Variants in KCNK10 observed in about 807,000 individuals in gnomAD.
KCNK10 encodes the protein potassium channel subfamily K member 10.
Under a neutral mutation model 47.7 loss-of-function variants are expected in KCNK10, and 25 were observed. That is an observed-to-expected ratio of 0.52 (90% CI 0.38 to 0.73). The LOEUF (loss-of-function observed/expected upper bound fraction) is 0.73, where lower values mean the gene tolerates loss of function less well. Among genes scored for constraint, KCNK10 ranks in the 30% least tolerant of loss-of-function variants. The probability of loss-of-function intolerance (pLI) is 0.00; values close to 1 mark genes in which losing one functional copy is unlikely to be tolerated. For synonymous variants in KCNK10, 303 were observed against 285.6 expected (o/e 1.06, Z -0.61); for missense variants, 563 against 714.5 (o/e 0.79, Z 2.42).
At chr14:88,250,199 G>T (rs1040594704) in intron 2 of KCNK10, among the ~76,000 whole-genome samples, 1 of 151,968 alleles carries the variant, frequency 6.6e-6, no homozygotes, top group South Asian at 2.1e-4. Context: ...TTAATTTCTG[G>T]CTTAAAAGCT....
At chr14:88,312,682 G>A (rs1888352160) in intron 1 of KCNK10, among the ~76,000 whole-genome samples, 1 of 152,166 alleles carries the variant, frequency 6.6e-6, no homozygotes, top group Admixed American at 6.5e-5. Context: ...CCCACCTCTA[G>A]TTTCACAGTC....
At chr14:88,249,462 TG>T (rs1028707822) in intron 2 of KCNK10, among the ~76,000 whole-genome samples, 11 of 152,172 alleles carry the variant, frequency 7.2e-5, no homozygotes, top group African/African-American at 2.4e-4. Context: ...AAGGTCCTCT[TG>T]GGGGTCCCAT....
chr14:88,286,872 G>A (rs1225773171), intron 1 of KCNK10, among the ~76,000 whole-genome samples: 1 of 152,158 alleles, frequency 6.6e-6, no homozygotes, highest in Admixed American at 6.5e-5. Context: ...TTCAAAATGA[G>A]ATTTGGATGA....
chr14:88,187,882 C>A, intron 6 of KCNK10, 85 bp downstream of exon 6: 6 of 1,486,814 alleles, frequency 4.0e-6, no homozygotes, highest in South Asian at 1.2e-5. Flanking sequence ...CAGAAACACT[C>A]CAGCCCACAG....
In KCNK10 at chr14:88,212,448, G is replaced by GA. The variant is rs968100488; in HGVS notation, c.681+14926dup. 3.4e-3 allele frequency among the ~76,000 whole-genome samples: 487 copies of GA among 144,744 alleles called. 2 individuals are homozygous for GA. The highest frequency in any genetic ancestry group is 0.011 in the African/African-American group (440 of 39,462). The allele number at this position is 144,744 out of a possible 152,430, so 95.0% of individuals were successfully genotyped here. On this transcript the variant is annotated intron_variant, in intron 4 of 6. Transcript: ENST00000319231. ...AGAGCAAAACTCCATCTCAAAAAAA[G>GA]AAAAAAAAAAGATACTATAGATACT... is the stretch of plus-strand genomic sequence containing the variant.
At chr14:88,258,953 A>T (rs1053592064) in intron 2 of KCNK10, among the ~76,000 whole-genome samples, 1 of 152,182 alleles carries the variant, frequency 6.6e-6, no homozygotes, top group African/African-American at 2.4e-5. Context: ...GCTTGGCTTT[A>T]TGAGGGGTTC....
intron 2 of KCNK10, 73 bp from the exon 3 acceptor site, chr14:88,240,893 A>T: frequency 2.4e-6 from 2 of 842,618 alleles, no homozygotes; most frequent in South Asian, 3.1e-5. Context: ...AAAAAAAAAA[A>T]GGTTCCAATA....
intron 4 of KCNK10, among the ~76,000 whole-genome samples, chr14:88,216,684 G>A (rs1295281196): frequency 6.6e-6 from 1 of 152,166 alleles, no homozygotes; most frequent in Admixed American, 6.5e-5. Flanking sequence ...CACCCCAAAT[G>A]TACATTCTGG....
chr14:88,302,143 T>C (rs1242113346), intron 1 of KCNK10, among the ~76,000 whole-genome samples: 1 of 152,166 alleles, frequency 6.6e-6, no homozygotes, highest in Non-Finnish European at 1.5e-5. Context: ...TCATGCAACA[T>C]GCCCGTACTT....
At chr14:88,242,105 T>C (rs1292803508) in intron 2 of KCNK10, among the ~76,000 whole-genome samples, 5 of 152,212 alleles carry the variant, frequency 3.3e-5, no homozygotes, top group Admixed American at 1.3e-4. Context: ...AATAACCCTA[T>C]GTAGGGAGAG....
rs1477840536 is a variant in KCNK10 at position 88,242,501 on chromosome 14, T to C, written c.403-1681A>G. ...TGATACAGGGGAAAAAAGCACCTTCTGTCAAGTCGTGAGTCTATTCTTTTC... is the reference window on the plus strand; with the variant it reads ...TGATACAGGGGAAAAAAGCACCTTCCGTCAAGTCGTGAGTCTATTCTTTTC... On this transcript the variant is annotated intron_variant, in intron 2 of 6. Transcript: ENST00000319231. Among the ~76,000 whole-genome samples the C allele has an allele frequency of 2.0e-5, 3 of 152,222 alleles. No individual in the cohort carries two copies. The East Asian group carries it at 5.8e-4, about 29-fold the overall frequency.
At chr14:88,208,674 A>AT (rs1233913072) in intron 4 of KCNK10, among the ~76,000 whole-genome samples, 1 of 152,064 alleles carries the variant, frequency 6.6e-6, no homozygotes, top group African/African-American at 2.4e-5. Flanking sequence ...AGCAAAATTT[A>AT]TTTTTTAAAA....
At chr14:88,206,073 G>C (rs1398098815) in intron 4 of KCNK10, among the ~76,000 whole-genome samples, 1 of 152,154 alleles carries the variant, frequency 6.6e-6, no homozygotes, top group East Asian at 1.9e-4. Flanking sequence ...GAATAGAACT[G>C]AATATTAATG....
chr14:88,290,389 T>C (rs1887851594), intron 1 of KCNK10, among the ~76,000 whole-genome samples: 1 of 152,150 alleles, frequency 6.6e-6, no homozygotes, highest in African/African-American at 2.4e-5. Flanking sequence ...ACTTAGGAAG[T>C]CTAACATGCA....
chr14:88,295,468 T>C (rs1887966870), intron 1 of KCNK10, among the ~76,000 whole-genome samples: 1 of 152,186 alleles, frequency 6.6e-6, no homozygotes, highest in Admixed American at 6.5e-5. Flanking sequence ...GAGACCAGCC[T>C]GGCCAACATG....
intron 2 of KCNK10, among the ~76,000 whole-genome samples, chr14:88,251,036 C>A (rs1886781289): frequency 6.6e-6 from 1 of 151,706 alleles, no homozygotes; most frequent in Non-Finnish European, 1.5e-5. Context: ...AGTTCAAGAC[C>A]AGCCTGGCCA....
intron 1 of KCNK10, among the ~76,000 whole-genome samples, chr14:88,320,263 T>A (rs1242564018): frequency 1.3e-5 from 2 of 152,350 alleles, no homozygotes; most frequent in East Asian, 3.9e-4. Flanking sequence ...GTTATTTTTA[T>A]TGAGGTTTTT....
intron 3 of KCNK10, among the ~76,000 whole-genome samples, chr14:88,228,522 T>C (rs1886059254): frequency 6.6e-6 from 1 of 152,214 alleles, no homozygotes; most frequent in African/African-American, 2.4e-5. Flanking sequence ...TGTTAAAAAG[T>C]ATCTAGACAG....
chr14:88,264,443 G>C (rs1393634251), intron 1 of KCNK10, among the ~76,000 whole-genome samples: 2 of 152,166 alleles, frequency 1.3e-5, no homozygotes, highest in East Asian at 3.9e-4. Flanking sequence ...GTGCAGGCTG[G>C]CTGTTGTGTG....
Sources: gnomAD v4.1 joint callset for allele counts (sites outside exome capture counted in the v4.1 genomes callset) on GRCh38, gnomAD v4.1.1 for gene constraint, MANE v1.5 for transcripts, NCBI Gene and HGNC (gene_info 2026-07-23, HGNC 2026-07-21) for gene names.